Variants in BLMH observed in about 807,000 individuals in gnomAD.
BLMH encodes BLM hydrolase.
A neutral mutation model predicts 61.6 loss-of-function variants in BLMH; 32 were observed. The ratio of observed to expected loss-of-function variants is 0.52; its 90% CI spans 0.39 to 0.70. The LOEUF (loss-of-function observed/expected upper bound fraction) is 0.70, where lower values mean the gene tolerates loss of function less well. Among genes scored for constraint, BLMH ranks in the 30% least tolerant of loss-of-function variants. BLMH has a pLI of 0.00. For synonymous variants in BLMH, 183 were observed against 193.8 expected (o/e 0.94, Z 0.46); for missense variants, 460 against 555.5 (o/e 0.83, Z 1.73).
Position 30,248,913 on chromosome 17 carries a change from G to A in BLMH, c.*104C>T, listed in dbSNP as rs1174039784. The A allele has an allele frequency of 5.0e-6, 7 of 1,398,178 alleles. No individual in the cohort carries two copies. In the African/African-American group the frequency reaches 1.0e-4, roughly 20 times the overall value. 86.6% of individuals were successfully genotyped at this position (1,398,178 alleles called of 1,614,324 possible). On this transcript the variant is annotated 3_prime_UTR_variant, in exon 12 of 12. Transcript: ENST00000261714. ...GAGACTGGAAATCTGACTGTGTCCT[G>A]TGGCAACACACAGTCCCTTGCATAA...
chr17:30,254,316 C>G (rs945056286), intron 11 of BLMH, among the ~76,000 whole-genome samples: 1 of 152,118 alleles, frequency 6.6e-6, no homozygotes, highest in Admixed American at 6.5e-5. Context: ...GCTGGACTAC[C>G]AAGGCCTCAT....
intron 2 of BLMH, 166 bp downstream of exon 2, chr17:30,291,145 A>G: frequency 1.2e-6 from 1 of 844,082 alleles, no homozygotes; most frequent in Non-Finnish European, 1.8e-6. Context: ...CAGCAAAACA[A>G]ACCACATGGG....
Position 30,266,340 on chromosome 17 carries a change from A to G in BLMH, c.1216+545T>C, listed in dbSNP as rs1001299471. 4.6e-5 allele frequency among the ~76,000 whole-genome samples: 7 copies of G among 152,100 alleles called. No individual in the cohort carries two copies. In the East Asian group the frequency reaches 1.4e-3, roughly 29 times the overall value. On this transcript the variant is annotated intron_variant, in intron 11 of 11. Coordinates refer to ENST00000261714, the MANE Select transcript of BLMH (RefSeq NM_000386.4). Reference sequence around the variant, plus strand: ...CAGGAAATCGAGACCATCCTGGCTAACACGGTGAAACCCCGTCTCTACTAA... The same window carrying G: ...CAGGAAATCGAGACCATCCTGGCTAGCACGGTGAAACCCCGTCTCTACTAA...
intron 9 of BLMH, chr17:30,272,271 T>C: frequency 2.3e-6 from 1 of 437,490 alleles, no homozygotes. Flanking sequence ...ATTTCCGCAA[T>C]AGTCAATTAT....
chr17:30,262,533 C>T (rs1178091552), intron 11 of BLMH, among the ~76,000 whole-genome samples: 1 of 152,152 alleles, frequency 6.6e-6, no homozygotes, highest in Non-Finnish European at 1.5e-5. Context: ...CGGTGGCTCA[C>T]GCCTGTAACC....
At chr17:30,279,280 C>A (rs1036881051) in intron 6 of BLMH, among the ~76,000 whole-genome samples, 1 of 152,176 alleles carries the variant, frequency 6.6e-6, no homozygotes, top group African/African-American at 2.4e-5. Flanking sequence ...AAAGGGCAGC[C>A]TGCCCAAAAT....
chr17:30,249,429 C>A, intron 11 of BLMH: 1 of 429,964 alleles, frequency 2.3e-6, no homozygotes, highest in Non-Finnish European at 4.3e-6. Context: ...AGGTTCAGAG[C>A]TGGGCCTTGG....
chr17:30,262,518 G>A (rs1353965389), intron 11 of BLMH, among the ~76,000 whole-genome samples: 4 of 152,262 alleles, frequency 2.6e-5, no homozygotes, highest in Admixed American at 1.3e-4. Context: ...AACCTTGGCC[G>A]GGCACGGTGG....
At chr17:30,276,405 T>C (rs1908426303) in intron 6 of BLMH, among the ~76,000 whole-genome samples, 1 of 152,222 alleles carries the variant, frequency 6.6e-6, no homozygotes, top group Non-Finnish European at 1.5e-5. Context: ...CAAAACTCCA[T>C]CTATTTACCA....
At chr17:30,249,254 A>T in intron 11 of BLMH, 86 bp from the exon 12 acceptor site, 1 of 1,363,966 alleles carries the variant, frequency 7.3e-7, no homozygotes, top group South Asian at 1.4e-5. Flanking sequence ...CCTTTTACAA[A>T]ACTAATATTC....
At chr17:30,264,403 A>G (rs1908043175) in intron 11 of BLMH, among the ~76,000 whole-genome samples, 1 of 152,372 alleles carries the variant, frequency 6.6e-6, no homozygotes, top group East Asian at 1.9e-4. Context: ...TAATGAAATG[A>G]GTAAGTTAGC....
At chr17:30,277,279 A>G (rs1019108734) in intron 6 of BLMH, among the ~76,000 whole-genome samples, 16 of 152,174 alleles carry the variant, frequency 1.1e-4, no homozygotes, top group Admixed American at 8.5e-4. Context: ...ACCGTAATTG[A>G]GTTACTCTAG....
intron 11 of BLMH, among the ~76,000 whole-genome samples, chr17:30,250,613 AG>A (rs1907644526): frequency 6.6e-6 from 1 of 152,204 alleles, no homozygotes; most frequent in Admixed American, 6.5e-5. Context: ...TGTGGTGAAA[AG>A]GGAACACTTT....
chr17:30,268,303 T>C (rs1017367081), intron 10 of BLMH, among the ~76,000 whole-genome samples: 2 of 152,196 alleles, frequency 1.3e-5, no homozygotes, highest in African/African-American at 4.8e-5. Flanking sequence ...CTGGGTCATC[T>C]ACAATTACAA....
chr17:30,272,536 T>C (rs377481659), intron 9 of BLMH, 25 bp downstream of exon 9: 126 of 1,613,384 alleles, frequency 7.8e-5, no homozygotes, highest in Non-Finnish European at 1.0e-4. Flanking sequence ...CAAATGACTT[T>C]CCATTTTAAA....
intron 7 of BLMH, 192 bp downstream of exon 7, chr17:30,273,850 G>A: frequency 1.5e-6 from 1 of 669,326 alleles, no homozygotes; most frequent in Non-Finnish European, 2.5e-6. Flanking sequence ...GGAACATTGT[G>A]GAAAAGCTGA....
intron 11 of BLMH, 80 bp downstream of exon 11, chr17:30,266,805 A>G (rs1481948106): frequency 1.5e-6 from 2 of 1,294,850 alleles, no homozygotes; most frequent in African/African-American, 2.9e-5. Context: ...AATCCTCCAC[A>G]CTAGAGCAGC....
chr17:30,272,744 T>C lies in BLMH; in HGVS notation c.957A>G (p.Gly319=). 12 of 1,614,146 alleles carry C rather than the reference T, an allele frequency of 7.4e-6. No homozygotes were observed. Among genetic ancestry groups the C allele is most frequent in the Non-Finnish European group, 1.0e-5 (12 of 1,180,024 alleles). ...KKMVAASIKD[G]EAVWFGCDVG... ...AAAATACAGAAACAATACCAACCTC[T>C]CCATCTTTGATGGAGGCAGCAACCA... Residue 319 remains glycine, a synonymous_variant, in exon 8 of 12, where the codon GGA becomes GGG. Transcript: ENST00000261714.
chr17:30,286,859 A>G lies in BLMH; in HGVS notation c.507T>C (p.Tyr169=), dbSNP rs1368952629. The change falls in exon 5 of 12, where the codon TAT becomes TAC. Residue 169 remains tyrosine (Y), a synonymous_variant. Transcript: ENST00000261714. The part of the protein sequence containing the change: ...VIPKKCFPES[Y]TTEATRRMND... ...TCATCCTTCTGGTTGCCTCTGTTGT[A>G]TAAGATTCAGGGAAGCATTTCTTAG... 11 of 1,596,948 alleles carry G rather than the reference A, an allele frequency of 6.9e-6. No homozygotes were observed. Among genetic ancestry groups the G allele is most frequent in the East Asian group, 2.2e-5 (1 of 44,764 alleles).
Sources: allele counts gnomAD v4.1 joint callset (sites outside exome capture counted in the v4.1 genomes callset), GRCh38; gene constraint gnomAD v4.1.1; transcripts MANE v1.5; gene names NCBI Gene and HGNC (gene_info 2026-07-23, HGNC 2026-07-21).